The following DYNLL1 variants were observed in gnomAD, a reference collection of about 807,000 sequenced individuals.
The protein encoded by DYNLL1 is dynein light chain LC8-type 1.
In DYNLL1, 3 loss-of-function variants were observed where a neutral mutation model predicts 10.1. That is an observed-to-expected ratio of 0.30 (90% CI 0.14 to 0.77). The LOEUF (loss-of-function observed/expected upper bound fraction) is 0.77. DYNLL1 is among the 30% of genes least tolerant of loss of function. The probability of loss-of-function intolerance (pLI) is 0.66; values close to 1 mark genes in which losing one functional copy is unlikely to be tolerated. For missense variants in DYNLL1, 47 were observed against 111.7 expected, an observed-to-expected ratio of 0.42 and a Z score of 2.61; for synonymous variants, 46 against 41.2, an observed-to-expected ratio of 1.12 and a Z score of -0.45.
chr12:120,480,087 C>T (rs1481871461), intron 1 of DYNLL1, among the ~76,000 whole-genome samples: 2 of 152,104 alleles, frequency 1.3e-5, no homozygotes, highest in Non-Finnish European at 2.9e-5. Flanking sequence ...GACAGAAGGA[C>T]AGCAGAAGGG....
chr12:120,486,793 G>A (rs1383700231), intron 1 of DYNLL1, among the ~76,000 whole-genome samples: 1 of 151,920 alleles, frequency 6.6e-6, no homozygotes, highest in African/African-American at 2.4e-5. Flanking sequence ...GTTTAAAATG[G>A]AGAAACCAAG....
At position 120,498,366 on chromosome 12, in the gene DYNLL1, G is replaced by A. The variant is rs1259011883; in HGVS notation, c.*156G>A. On this transcript the variant is annotated 3_prime_UTR_variant, in exon 3 of 3. Coordinates refer to ENST00000242577, the MANE Select transcript of DYNLL1 (RefSeq NM_003746.3). ...TTTGTACAGGGCATTCTCTGTACTA[G>A]TTTGTCGTGGTTATAAAACAATTAG... 1.3e-5 allele frequency: 10 copies of A among 793,784 alleles called. No homozygotes were observed. The highest frequency in any genetic ancestry group is 1.8e-5 in the Non-Finnish European group (10 of 542,490). 49.2% of individuals were successfully genotyped at this position (793,784 alleles called of 1,614,324 possible). A position where few individuals can be genotyped will look rare whatever the true frequency, so the allele number is the denominator to read the frequency against.
Position 120,498,177 on chromosome 12 carries a change from C to G in DYNLL1, c.237C>G (p.Gly79=), listed in dbSNP as rs11544057. The change falls in exon 3 of 3, where the codon GGC becomes GGG. Residue 79 remains glycine, a synonymous_variant. Transcript: ENST00000242577. ...ETKHFIYFYL[G]QVAILLFKSG ...AACACTTCATCTACTTCTACCTGGG[C>G]CAAGTGGCCATTCTTCTGTTCAAAT... 6.2e-7 allele frequency: 1 copy of G among 1,613,826 alleles called. No individual in the cohort carries two copies.
At chr12:120,480,904 C>T (rs1437208028) in intron 1 of DYNLL1, among the ~76,000 whole-genome samples, 2 of 151,932 alleles carry the variant, frequency 1.3e-5, no homozygotes, top group Non-Finnish European at 2.9e-5. Flanking sequence ...GGACTACAGG[C>T]GCCCGCCACC....
upstream of DYNLL1, chr12:120,496,112 T>G: frequency 2.1e-6 from 1 of 476,588 alleles, no homozygotes; most frequent in South Asian, 2.3e-5. Flanking sequence ...TGGGGCTGCT[T>G]AGATGCGCCA....
intron 1 of DYNLL1, among the ~76,000 whole-genome samples, chr12:120,485,750 C>A (rs114335623): frequency 6.8e-6 from 1 of 147,172 alleles, no homozygotes; most frequent in Admixed American, 7.1e-5. Context: ...GAGGGGCAGT[C>A]GGATCCCTTG....
chr12:120,475,002 C>G (rs1178191592), intron 1 of DYNLL1, among the ~76,000 whole-genome samples: 1 of 152,054 alleles, frequency 6.6e-6, no homozygotes, highest in Non-Finnish European at 1.5e-5. Flanking sequence ...AGCAGCAGAA[C>G]TAGGAGGTTT....
intron 1 of DYNLL1, among the ~76,000 whole-genome samples, chr12:120,470,287 G>A (rs1418961233): frequency 6.6e-6 from 1 of 152,062 alleles, no homozygotes; most frequent in Non-Finnish European, 1.5e-5. Flanking sequence ...TCCTCTCCCG[G>A]GCAGAGTCTG....
chr12:120,486,763 C>T (rs1879002945), intron 1 of DYNLL1, among the ~76,000 whole-genome samples: 2 of 152,108 alleles, frequency 1.3e-5, no homozygotes, highest in South Asian at 4.1e-4. Context: ...TGAGACACTG[C>T]ACCTGGAGTG....
chr12:120,473,832 T>C (rs960433587), intron 1 of DYNLL1, among the ~76,000 whole-genome samples: 2 of 151,894 alleles, frequency 1.3e-5, no homozygotes, highest in Non-Finnish European at 2.9e-5. Context: ...TTACAGGCAT[T>C]AGCCACGGCA....
chr12:120,489,726 C>T (rs998164943), intron 1 of DYNLL1, among the ~76,000 whole-genome samples: 3 of 152,112 alleles, frequency 2.0e-5, no homozygotes, highest in South Asian at 2.1e-4. Flanking sequence ...CCTCACCCAG[C>T]GATGCTTGGT....
At chr12:120,494,428 CA>C (rs1315814604), upstream of DYNLL1, among the ~76,000 whole-genome samples, 1 of 151,912 alleles carries the variant, frequency 6.6e-6, no homozygotes, top group Non-Finnish European at 1.5e-5. Flanking sequence ...AGGCACGTGC[CA>C]CCATGCCCAG....
At chr12:120,489,761 T>A (rs749289129) in intron 1 of DYNLL1, among the ~76,000 whole-genome samples, 64 of 151,722 alleles carry the variant, frequency 4.2e-4, no homozygotes, top group Admixed American at 1.4e-3. Context: ...TTTTTAAATT[T>A]TTTTGAGGTG....
At chr12:120,473,746 C>T (rs954185276) in intron 1 of DYNLL1, among the ~76,000 whole-genome samples, 3 of 151,356 alleles carry the variant, frequency 2.0e-5, no homozygotes, top group African/African-American at 7.3e-5. Context: ...TAACGTGCAC[C>T]TGTGGTCTCA....
chr12:120,496,383 ACT>A, intron 1 of DYNLL1, 31 bp from the exon 2 acceptor site: 1 of 1,612,790 alleles, frequency 6.2e-7, no homozygotes, highest in African/African-American at 1.3e-5. Context: ...GCGCGGCCCA[ACT>A]CAACCCCTTA....
At chr12:120,481,734 C>A (rs1293048102) in intron 1 of DYNLL1, among the ~76,000 whole-genome samples, 2 of 152,364 alleles carry the variant, frequency 1.3e-5, no homozygotes, top group African/African-American at 2.4e-5. Flanking sequence ...TAGCCCCACT[C>A]CCCTCCCTGG....
Position 120,496,505 on chromosome 12 carries a change from G to T in DYNLL1, c.84G>T (p.Ala28=), listed in dbSNP as rs1244870161. ...QQDSVECATQ[A]LEKYNIEKDI... is the part of the protein sequence containing the mutation. ...ACTCGGTGGAGTGCGCTACTCAGGC[G>T]CTGGAGAAATACAACATAGAGAAGG... The change falls in exon 2 of 3, where the codon GCG becomes GCT. Residue 28 remains alanine, a synonymous_variant. Transcript: ENST00000242577. 4 of 1,614,188 alleles carry T rather than the reference G, an allele frequency of 2.5e-6. No individual in the cohort carries two copies. Among genetic ancestry groups the T allele is most frequent in the Non-Finnish European group, 3.4e-6 (4 of 1,180,038 alleles).
upstream of DYNLL1, among the ~76,000 whole-genome samples, chr12:120,494,597 G>T (rs929030142): frequency 3.3e-5 from 5 of 151,880 alleles, no homozygotes; most frequent in Admixed American, 2.6e-4. Flanking sequence ...TTTTCTTTCT[G>T]GAGTTGTGTG....
At chr12:120,490,936 A>G (rs1879111881) in intron 1 of DYNLL1, 1 of 152,254 alleles carries the variant, frequency 6.6e-6, no homozygotes, top group Non-Finnish European at 1.5e-5. Context: ...CTCTATGTGT[A>G]TCATCTCACT....
Sources: allele counts gnomAD v4.1 joint callset (sites outside exome capture counted in the v4.1 genomes callset), GRCh38; gene constraint gnomAD v4.1.1; transcripts MANE v1.5; gene names NCBI Gene and HGNC (gene_info 2026-07-23, HGNC 2026-07-21).